CACHD1: variants seen among roughly 807,000 people sequenced by gnomAD.
The protein encoded by CACHD1 is VWFA and cache domain-containing protein 1.
In CACHD1, 71 loss-of-function variants were observed where a neutral mutation model predicts 138.7. The observed-to-expected ratio is 0.51, with a 90% confidence interval of 0.42 to 0.62. The LOEUF is 0.62. Among genes scored for constraint, CACHD1 ranks in the 20% least tolerant of loss-of-function variants. CACHD1 has a pLI of 0.00. For synonymous variants in CACHD1, 578 were observed against 591.5 expected (o/e 0.98, Z 0.33); for missense variants, 1,389 against 1,625.3 (o/e 0.85, Z 2.50).
At position 64,634,187 on chromosome 1, in the gene CACHD1, C is replaced by G. The variant is rs547997798; in HGVS notation, c.933C>G (p.Thr311=). 5.6e-6 allele frequency: 9 copies of G among 1,613,764 alleles called. No individual in the cohort carries two copies. The highest frequency in any genetic ancestry group is 2.2e-5 in the South Asian group (2 of 91,048). ...VSSVKSSDSP[T]QHAVGFQKAF... ...GCGTGAAGTCTTCAGACAGTCCTAC[C>G]CAGCACGCAGTGGGATTCCAAAAGG... The change falls in exon 7 of 27, where the codon ACC becomes ACG. Residue 311 remains threonine, a synonymous_variant. Transcript: ENST00000651257.
intron 1 of CACHD1, among the ~76,000 whole-genome samples, chr1:64,543,583 A>G (rs1479305363): frequency 6.6e-6 from 1 of 151,440 alleles, no homozygotes; most frequent in Admixed American, 6.6e-5. Flanking sequence ...CTAAAATAAT[A>G]ATTTTAAAAG....
chr1:64,533,756 T>TG, intron 1 of CACHD1, among the ~76,000 whole-genome samples: 1 of 150,292 alleles, frequency 6.7e-6, no homozygotes, highest in Non-Finnish European at 1.5e-5. Context: ...CTCTTTTTTT[T>TG]TTTTTTTTTT....
At chr1:64,599,863 G>A (rs1206099012) in intron 3 of CACHD1, among the ~76,000 whole-genome samples, 1 of 152,102 alleles carries the variant, frequency 6.6e-6, no homozygotes, top group South Asian at 2.1e-4. Context: ...TGCTGAAAGC[G>A]ACGTGCTCTC....
chr1:64,489,663 G>A (rs1244763906), intron 1 of CACHD1, among the ~76,000 whole-genome samples: 1 of 152,142 alleles, frequency 6.6e-6, no homozygotes, highest in Non-Finnish European at 1.5e-5. Context: ...AATGAGATGA[G>A]GTTTGTAAGA....
intron 2 of CACHD1, among the ~76,000 whole-genome samples, chr1:64,560,665 T>A (rs1168755229): frequency 6.6e-6 from 1 of 152,120 alleles, no homozygotes; most frequent in East Asian, 1.9e-4. Context: ...GTAAAGAACA[T>A]GTGTTCTGCA....
intron 1 of CACHD1, among the ~76,000 whole-genome samples, chr1:64,534,171 G>A (rs1646613852): frequency 6.6e-6 from 1 of 151,818 alleles, no homozygotes; most frequent in African/African-American, 2.4e-5. Context: ...AGCCTCTGGA[G>A]TAGCTGGGAT....
chr1:64,677,460 G>A (rs1650035282), intron 22 of CACHD1, among the ~76,000 whole-genome samples: 1 of 152,228 alleles, frequency 6.6e-6, no homozygotes, highest in Non-Finnish European at 1.5e-5. Context: ...TTTGGGACTA[G>A]ACATTATGGA....
rs77891304 is a variant in CACHD1 at position 64,568,270 on chromosome 1, C to T, written c.262-13886C>T. ...GTTGGACCAGTTTGTGGGATGAAAG[C>T]GTAACATTGTTACGCTTTCTCCCTT... On this transcript the variant is annotated intron_variant, in intron 2 of 26. Coordinates refer to ENST00000651257, the MANE Select transcript of CACHD1 (RefSeq NM_020925.4). Among the ~76,000 whole-genome samples the T allele has an allele frequency of 6.1e-3, 931 of 152,122 alleles. 5 individuals are homozygous for T. The highest frequency in any genetic ancestry group is 0.029 in the East Asian group (151 of 5,178).
intron 1 of CACHD1, among the ~76,000 whole-genome samples, chr1:64,476,894 A>T (rs1488945066): frequency 1.3e-5 from 2 of 152,182 alleles, no homozygotes; most frequent in Non-Finnish European, 2.9e-5. Context: ...TAAGTGGATG[A>T]GCAGGCAGGA....
intron 1 of CACHD1, among the ~76,000 whole-genome samples, chr1:64,513,107 A>G (rs971311990): frequency 1.3e-5 from 2 of 152,240 alleles, no homozygotes; most frequent in African/African-American, 4.8e-5. Context: ...AAGATTATCC[A>G]TCTGCAAATT....
chr1:64,643,208 T>C (rs1648786339), intron 8 of CACHD1, among the ~76,000 whole-genome samples: 1 of 152,088 alleles, frequency 6.6e-6, no homozygotes, highest in Non-Finnish European at 1.5e-5. Flanking sequence ...CCTTGGGGAA[T>C]GGCTTTAAAA....
intron 3 of CACHD1, among the ~76,000 whole-genome samples, chr1:64,593,868 T>C (rs1436746): frequency 0.096 from 14,666 of 152,218 alleles, 942 homozygotes; most frequent in Admixed American, 0.17. Context: ...CTTTAAACAA[T>C]GTGTTACTTA....
intron 9 of CACHD1, among the ~76,000 whole-genome samples, chr1:64,648,329 G>A (rs1158163229): frequency 6.6e-6 from 1 of 152,182 alleles, no homozygotes; most frequent in Non-Finnish European, 1.5e-5. Context: ...AAGCTCAGAA[G>A]TGCTGAGGAT....
chr1:64,567,878 A>C (rs1183368820), intron 2 of CACHD1, among the ~76,000 whole-genome samples: 14 of 152,206 alleles, frequency 9.2e-5, no homozygotes, highest in Admixed American at 9.2e-4. Context: ...TTAAATGCTC[A>C]GTTGTCAGGG....
chr1:64,508,153 G>A (rs1264214763), intron 1 of CACHD1, among the ~76,000 whole-genome samples: 2 of 152,246 alleles, frequency 1.3e-5, no homozygotes, highest in East Asian at 3.9e-4. Flanking sequence ...ACCAGATTTT[G>A]TGAGAACTCA....
At chr1:64,667,980 T>C (rs1649689384) in intron 16 of CACHD1, among the ~76,000 whole-genome samples, 1 of 152,220 alleles carries the variant, frequency 6.6e-6, no homozygotes. Context: ...CAAATATTTA[T>C]CGTGTTGGTC....
intron 26 of CACHD1, among the ~76,000 whole-genome samples, chr1:64,686,681 C>T (rs4915999): frequency 0.15 from 23,415 of 152,100 alleles, 2,709 homozygotes; most frequent in East Asian, 0.62. Context: ...AACACCTGTA[C>T]GTTATTTGTT....
At chr1:64,673,607 A>T in intron 19 of CACHD1, 143 bp downstream of exon 19, 1 of 731,608 alleles carries the variant, frequency 1.4e-6, no homozygotes, top group Non-Finnish European at 2.3e-6. Context: ...ACAGGAGCTT[A>T]GTTCCAGTTC....
chr1:64,528,331 C>A (rs1646556164), intron 1 of CACHD1, among the ~76,000 whole-genome samples: 1 of 152,128 alleles, frequency 6.6e-6, no homozygotes, highest in Non-Finnish European at 1.5e-5. Context: ...ATTTAATGTG[C>A]TGCAAAGCAT....
Sources: allele counts gnomAD v4.1 joint callset (sites outside exome capture counted in the v4.1 genomes callset), GRCh38; gene constraint gnomAD v4.1.1; transcripts MANE v1.5; gene names NCBI Gene and HGNC (gene_info 2026-07-23, HGNC 2026-07-21).